Variants in IQGAP2 observed in about 807,000 individuals in gnomAD.
IQGAP2 encodes the protein ras GTPase-activating-like protein IQGAP2.
Under a neutral mutation model 201.3 loss-of-function variants are expected in IQGAP2, and 173 were observed. The observed-to-expected ratio is 0.86, with a 90% CI of 0.76 to 0.98. The LOEUF is 0.98. IQGAP2 is among the 50% of genes least tolerant of loss of function. IQGAP2 has a pLI of 0.00. For missense variants in IQGAP2, 1,687 were observed against 1,864.8 expected (o/e 0.90, Z 1.76); for synonymous variants, 675 against 673.9 (o/e 1.00, Z -0.03).
intron 13 of IQGAP2, among the ~76,000 whole-genome samples, chr5:76,626,275 T>C (rs1349325106): frequency 2.5e-5 from 3 of 120,266 alleles, no homozygotes; most frequent in Non-Finnish European, 5.1e-5. Context: ...CTTTTCTTTT[T>C]TTTTTTTTTT....
rs534992728 is a variant in IQGAP2 at position 76,542,175 on chromosome 5, G to A, written c.147-20221G>A. On this transcript the variant is annotated intron_variant, in intron 2 of 35. Transcript: ENST00000274364. ...ATTAAAAAAAAAAATTGATAGAGAT[G>A]GTGTCACACTGCTGGGCACAAGCAG... 9.3e-4 allele frequency among the ~76,000 whole-genome samples: 142 copies of A among 152,258 alleles called. 1 individual carries two copies. The highest frequency in any genetic ancestry group is 3.4e-3 in the African/African-American group (140 of 41,554).
chr5:76,505,174 G>C (rs981417829), intron 2 of IQGAP2, among the ~76,000 whole-genome samples: 1 of 152,100 alleles, frequency 6.6e-6, no homozygotes, highest in Non-Finnish European at 1.5e-5. Flanking sequence ...TATATGCTCA[G>C]TGCCTAGGGC....
chr5:76,570,732 A>T, intron 4 of IQGAP2, 75 bp downstream of exon 4: 1 of 943,574 alleles, frequency 1.1e-6, no homozygotes, highest in Admixed American at 1.9e-5. Context: ...ATGAGCAATG[A>T]CTTTGGAGAC....
chr5:76,541,765 C>T (rs1267791893), intron 2 of IQGAP2, among the ~76,000 whole-genome samples: 2 of 152,154 alleles, frequency 1.3e-5, no homozygotes, highest in East Asian at 3.8e-4. Context: ...GTGCATTTCC[C>T]TGGTGTCCCA....
At chr5:76,659,392 T>C (rs561509590) in intron 21 of IQGAP2, among the ~76,000 whole-genome samples, 96 of 152,274 alleles carry the variant, frequency 6.3e-4, no homozygotes, top group Non-Finnish European at 1.2e-3. Flanking sequence ...ACCAGAGGTG[T>C]AGACCTCTTC....
intron 17 of IQGAP2, 151 bp downstream of exon 17, chr5:76,641,254 A>G (rs567891766): frequency 1.7e-6 from 1 of 593,270 alleles, no homozygotes; most frequent in African/African-American, 1.9e-5. Context: ...TACTTCACTA[A>G]GGCTTTAAAA....
In IQGAP2 at chr5:76,456,056, G is replaced by A. The variant is rs1019480786; in HGVS notation, c.47-5514G>A. On this transcript the variant is annotated intron_variant, in intron 1 of 35. Coordinates refer to ENST00000274364, the MANE Select transcript of IQGAP2 (RefSeq NM_006633.5). Reference sequence around the variant, plus strand: ...GACTATTATGAGAGCAGCAAACTTCGTAGGACTAAACTTGGAAGGACACAG... The same window carrying A: ...GACTATTATGAGAGCAGCAAACTTCATAGGACTAAACTTGGAAGGACACAG... 5.3e-5 allele frequency among the ~76,000 whole-genome samples: 8 copies of A among 152,154 alleles called. No individual in the cohort carries two copies. In the East Asian group the frequency reaches 5.8e-4, roughly 11 times the overall value.
Position 76,429,616 on chromosome 5 carries a change from A to G in IQGAP2, c.46+26025A>G, listed in dbSNP as rs1561365136. On this transcript the variant is annotated intron_variant, in intron 1 of 35. Coordinates refer to ENST00000274364, the MANE Select transcript of IQGAP2 (RefSeq NM_006633.5). ...TATATATGTATATTTATATATATAC[A>G]TATATAAATTTATATATATACATAT... Among the ~76,000 whole-genome samples the G allele has an allele frequency of 4.8e-5, 7 of 145,306 alleles. No individual in the cohort carries two copies. The Admixed American group carries it at 4.9e-4, about 10-fold the overall frequency.
intron 11 of IQGAP2, among the ~76,000 whole-genome samples, chr5:76,603,128 G>A (rs1319175538): frequency 3.9e-5 from 6 of 152,070 alleles, no homozygotes; most frequent in Non-Finnish European, 7.4e-5. Flanking sequence ...ATCCCTACTC[G>A]TATTTTGTGC....
chr5:76,663,728 T>C (rs1743479899), intron 21 of IQGAP2, among the ~76,000 whole-genome samples: 2 of 152,018 alleles, frequency 1.3e-5, no homozygotes, highest in African/African-American at 4.8e-5. Flanking sequence ...AGATGGGGTC[T>C]TGCTCTGTTG....
intron 21 of IQGAP2, among the ~76,000 whole-genome samples, chr5:76,661,694 A>C (rs2150455326): frequency 6.6e-6 from 1 of 152,300 alleles, no homozygotes; most frequent in African/African-American, 2.4e-5. Context: ...ACTCAGTAAA[A>C]TTGCTGTTAT....
At chr5:76,601,328 C>G (rs1211786733) in intron 11 of IQGAP2, among the ~76,000 whole-genome samples, 1 of 152,218 alleles carries the variant, frequency 6.6e-6, no homozygotes, top group Non-Finnish European at 1.5e-5. Context: ...ATCATCCAGT[C>G]CAATTCTTTT....
At chr5:76,617,493 G>A (rs968441631) in intron 13 of IQGAP2, 34 of 960,032 alleles carry the variant, frequency 3.5e-5, no homozygotes, top group Middle Eastern at 3.2e-4. Flanking sequence ...TTAGGAGCTC[G>A]GAAATGGAGC....
intron 1 of IQGAP2, among the ~76,000 whole-genome samples, chr5:76,450,757 C>T (rs571714549): frequency 1.3e-5 from 2 of 152,266 alleles, no homozygotes. Flanking sequence ...TTTTCATATC[C>T]TACTTAAACC....
At chr5:76,693,298 A>T (rs1580836994) in intron 30 of IQGAP2, 57 bp from the exon 31 acceptor site, 1 of 1,192,368 alleles carries the variant, frequency 8.4e-7, no homozygotes, top group East Asian at 2.4e-5. Flanking sequence ...GGAGAAACAG[A>T]TTTTTGTGCA....
At chr5:76,558,603 G>T (rs1435011067) in intron 2 of IQGAP2, among the ~76,000 whole-genome samples, 1 of 152,074 alleles carries the variant, frequency 6.6e-6, no homozygotes, top group African/African-American at 2.4e-5. Flanking sequence ...TTGACACAAG[G>T]CCCACATGAG....
chr5:76,484,857 G>C (rs1756017873), intron 2 of IQGAP2, among the ~76,000 whole-genome samples: 1 of 151,844 alleles, frequency 6.6e-6, no homozygotes, highest in South Asian at 2.1e-4. Context: ...GTTGAGACGG[G>C]GTCTCACTCT....
At chr5:76,664,868 G>GA (rs59744281) in intron 21 of IQGAP2, among the ~76,000 whole-genome samples, 158 bp from the exon 22 acceptor site, 1 of 151,634 alleles carries the variant, frequency 6.6e-6, no homozygotes, top group Non-Finnish European at 1.5e-5. Flanking sequence ...AATTTGCAAA[G>GA]AAAAAAAATG....
chr5:76,411,429 G>T (rs964810171), intron 1 of IQGAP2, among the ~76,000 whole-genome samples: 2 of 152,164 alleles, frequency 1.3e-5, no homozygotes, highest in African/African-American at 4.8e-5. Context: ...GATTTGGAAG[G>T]TGCTGTAGTT....
Sources: allele counts gnomAD v4.1 joint callset (sites outside exome capture counted in the v4.1 genomes callset), GRCh38; gene constraint gnomAD v4.1.1; transcripts MANE v1.5; gene names NCBI Gene and HGNC (gene_info 2026-07-23, HGNC 2026-07-21).